The following SLC9C1 variants were observed in gnomAD, a reference collection of about 807,000 sequenced individuals.
The protein encoded by SLC9C1 is solute carrier family 9 member C1.
Under a neutral mutation model 140.9 loss-of-function variants are expected in SLC9C1, and 97 were observed. That is an observed-to-expected ratio of 0.69 (90% confidence interval 0.58 to 0.82). SLC9C1 has a LOEUF of 0.82. Ranked by LOEUF, SLC9C1 falls within the 40% of genes least tolerant of loss-of-function variation. SLC9C1 has a pLI of 0.00. For synonymous variants in SLC9C1, 440 were observed against 442.6 expected, an observed-to-expected ratio of 0.99 and a Z score of 0.07; for missense variants, 1,340 against 1,389.3, an observed-to-expected ratio of 0.96 and a Z score of 0.56.
intron 20 of SLC9C1, among the ~76,000 whole-genome samples, chr3:112,189,285 T>C (rs1370716620): frequency 1.3e-5 from 2 of 152,248 alleles, no homozygotes; most frequent in East Asian, 1.9e-4. Context: ...TTTGGTGTTT[T>C]AGTCATGAAG....
At chr3:112,252,676 G>A (rs1474584928) in intron 10 of SLC9C1, among the ~76,000 whole-genome samples, 3 of 152,100 alleles carry the variant, frequency 2.0e-5, no homozygotes, top group Non-Finnish European at 4.4e-5. Context: ...AGAAGGTGGA[G>A]TAGACTGCCA....
chr3:112,240,685 G>T (rs969481108), intron 11 of SLC9C1, among the ~76,000 whole-genome samples: 1 of 152,074 alleles, frequency 6.6e-6, no homozygotes, highest in Non-Finnish European at 1.5e-5. Context: ...CATACTTTGG[G>T]ACTTAGCTTC....
At chr3:112,251,680 C>T (rs6780352) in intron 10 of SLC9C1, among the ~76,000 whole-genome samples, 89,976 of 152,006 alleles carry the variant, frequency 0.59, 27,159 homozygotes, top group East Asian at 0.79. Flanking sequence ...AGACCAAGCT[C>T]TGAGAGGGAG....
intron 23 of SLC9C1, 91 bp from the exon 24 acceptor site, chr3:112,169,419 A>G (rs2077204014): frequency 2.5e-6 from 3 of 1,181,996 alleles, no homozygotes; most frequent in Non-Finnish European, 3.4e-6. Flanking sequence ...TATTAAAGCT[A>G]ATAATTTAAT....
At chr3:112,163,565 C>T (rs2075371255) in intron 26 of SLC9C1, among the ~76,000 whole-genome samples, 2 of 152,044 alleles carry the variant, frequency 1.3e-5, no homozygotes. Flanking sequence ...GTTCAGTTTC[C>T]ATATAGTTGA....
At chr3:112,277,892 G>A in intron 4 of SLC9C1, 32 bp from the exon 5 acceptor site, 3 of 1,544,560 alleles carry the variant, frequency 1.9e-6, no homozygotes, top group Non-Finnish European at 2.6e-6. Flanking sequence ...AGAAAAATCA[G>A]ACTGCTTTTG....
intron 20 of SLC9C1, among the ~76,000 whole-genome samples, chr3:112,195,658 A>G (rs1018285967): frequency 5.3e-5 from 8 of 152,120 alleles, no homozygotes; most frequent in Non-Finnish European, 8.8e-5. Context: ...TGGGCATTAT[A>G]GATGAACTCC....
chr3:112,241,430 T>A lies in SLC9C1; in HGVS notation c.1280-1424A>T, dbSNP rs1299934615. On this transcript the variant is annotated intron_variant, in intron 11 of 28. Coordinates refer to ENST00000305815, the MANE Select transcript of SLC9C1 (RefSeq NM_183061.3). The stretch of plus-strand genomic sequence containing the variant: ...CTCTACAAGGCGAACTATAAAACAC[T>A]GTGAAAGTAATCAGAGATGACACAA... Among the ~76,000 whole-genome samples the A allele has an allele frequency of 2.9e-4, 44 of 152,136 alleles. 1 individual carries two copies. Among genetic ancestry groups the A allele is most frequent in the Admixed American group, 2.8e-3 (42 of 15,264 alleles).
At position 112,188,650 on chromosome 3, in the gene SLC9C1, G is replaced by C. The variant is rs753739108; in HGVS notation, c.2524-6392C>G. On this transcript the variant is annotated intron_variant, in intron 20 of 28. Coordinates refer to ENST00000305815, the MANE Select transcript of SLC9C1 (RefSeq NM_183061.3). Reference sequence around the variant, plus strand: ...CAGTCTATAATTGATGGACATTTGGGTTGGTTCCAAGTCTTTGCTATTGTG... The same window carrying C: ...CAGTCTATAATTGATGGACATTTGGCTTGGTTCCAAGTCTTTGCTATTGTG... 7.2e-4 allele frequency among the ~76,000 whole-genome samples: 109 copies of C among 152,284 alleles called. 1 individual carries two copies. The highest frequency in any genetic ancestry group is 1.1e-3 in the Non-Finnish European group (73 of 68,026).
At chr3:112,214,808 G>A (rs931052218) in intron 15 of SLC9C1, among the ~76,000 whole-genome samples, 1 of 152,198 alleles carries the variant, frequency 6.6e-6, no homozygotes, top group Non-Finnish European at 1.5e-5. Flanking sequence ...CATTCCTTCG[G>A]AGACTATTTC....
At chr3:112,214,211 G>A (rs962338779) in intron 15 of SLC9C1, among the ~76,000 whole-genome samples, 12 of 152,206 alleles carry the variant, frequency 7.9e-5, no homozygotes, top group South Asian at 6.2e-4. Flanking sequence ...TTAAAGCAGT[G>A]TGTAGAGGGA....
At chr3:112,221,510 T>A (rs148281986) in intron 13 of SLC9C1, among the ~76,000 whole-genome samples, 165 of 152,248 alleles carry the variant, frequency 1.1e-3, no homozygotes, top group African/African-American at 3.9e-3. Context: ...TGGGAACTAC[T>A]GCAAGCTATA....
chr3:112,275,050 GT>G, intron 5 of SLC9C1, 25 bp from the exon 6 acceptor site: 1 of 1,532,528 alleles, frequency 6.5e-7, no homozygotes, highest in Non-Finnish European at 8.7e-7. Flanking sequence ...GGGGAAAGAT[GT>G]TTTTTAAAGT....
At chr3:112,280,818 G>T in intron 2 of SLC9C1, 35 bp from the exon 3 acceptor site, 1 of 1,564,036 alleles carries the variant, frequency 6.4e-7, no homozygotes, top group Non-Finnish European at 8.8e-7. Context: ...AAGGCAATGA[G>T]ATATCTCATT....
chr3:112,182,361 AT>A, intron 20 of SLC9C1, 103 bp from the exon 21 acceptor site: 1 of 1,225,546 alleles, frequency 8.2e-7, no homozygotes, highest in South Asian at 2.4e-5. Context: ...ATCATTTGAC[AT>A]TTTTCTTCTT....
chr3:112,288,715 G>A (rs1056701070), intron 1 of SLC9C1, among the ~76,000 whole-genome samples: 10 of 152,140 alleles, frequency 6.6e-5, no homozygotes, highest in East Asian at 3.9e-4. Flanking sequence ...AACTATGATC[G>A]TGACACTGCA....
intron 20 of SLC9C1, among the ~76,000 whole-genome samples, chr3:112,197,752 A>C (rs2077803182): frequency 6.6e-6 from 1 of 152,136 alleles, no homozygotes; most frequent in Non-Finnish European, 1.5e-5. Flanking sequence ...CCATTTTCTT[A>C]ATAAATTAAT....
rs1342718172 is a variant in SLC9C1 at position 112,155,478 on chromosome 3, T to C, written c.3365-429A>G. Among the ~76,000 whole-genome samples the C allele has an allele frequency of 4.6e-5, 7 of 152,164 alleles. No homozygotes were observed. In the East Asian group the frequency reaches 1.4e-3, roughly 29 times the overall value. On this transcript the variant is annotated intron_variant, in intron 26 of 28. Coordinates refer to ENST00000305815, the MANE Select transcript of SLC9C1 (RefSeq NM_183061.3). ...ATGACGTGGTAAAAACAGGACTGTGTGTATGTTGGGCTATTGGAGCATGCA... is the reference window on the plus strand; with the variant it reads ...ATGACGTGGTAAAAACAGGACTGTGCGTATGTTGGGCTATTGGAGCATGCA...
At chr3:112,276,247 T>C (rs967574320) in intron 5 of SLC9C1, among the ~76,000 whole-genome samples, 2 of 152,014 alleles carry the variant, frequency 1.3e-5, no homozygotes, top group African/African-American at 4.8e-5. Flanking sequence ...TATGGAAAAA[T>C]GTAAATATTC....
Sources: allele counts gnomAD v4.1 joint callset (sites outside exome capture counted in the v4.1 genomes callset), GRCh38; gene constraint gnomAD v4.1.1; transcripts MANE v1.5; gene names NCBI Gene and HGNC (gene_info 2026-07-23, HGNC 2026-07-21).